The following FAM167A variants were observed in gnomAD, a reference collection of about 807,000 sequenced individuals.
FAM167A encodes family with sequence similarity 167 member A, also known as protein FAM167A.
FAM167A carries 23 observed loss-of-function variants against 14.9 expected under a neutral mutation model. The ratio of observed to expected loss-of-function variants is 1.55; its 90% CI spans 1.11 to 2.19. FAM167A has a LOEUF of 2.19. Among genes scored for constraint, FAM167A ranks in the 30% most tolerant of loss-of-function variants. The pLI is 0.00. For synonymous variants in FAM167A, 174 were observed against 117.7 expected (o/e 1.48, Z -3.10); for missense variants, 401 against 281.5 (o/e 1.42, Z -3.04).
intron 2 of FAM167A, among the ~76,000 whole-genome samples, chr8:11,436,454 G>A (rs1183645081): frequency 2.6e-5 from 4 of 152,188 alleles, no homozygotes; most frequent in African/African-American, 9.6e-5. Flanking sequence ...CTGCAGGAAG[G>A]GCTGGCTCCC....
chr8:11,444,012 C>T lies in FAM167A; in HGVS notation c.381+19G>A. The T allele has an allele frequency of 6.3e-7, 1 of 1,597,122 alleles. No individual in the cohort carries two copies. Among genetic ancestry groups the T allele is most frequent in the Non-Finnish European group, 8.5e-7 (1 of 1,171,004 alleles). ...TGGCATCTCCTCTTTTCTGGGGATT[C>T]TTGGGGGCAGCCACTCACCAGTTCC... is the stretch of plus-strand genomic sequence containing the variant. On this transcript the variant is annotated intron_variant, in intron 2 of 2. Coordinates refer to ENST00000284486, the MANE Select transcript of FAM167A (RefSeq NM_053279.3).
In FAM167A at chr8:11,431,917, A is replaced by AAAAAAAAAAAG. The variant is rs752330983; in HGVS notation, c.382-7282_382-7281insCTTTTTTTTTT. Among the ~76,000 whole-genome samples the AAAAAAAAAAAG allele has an allele frequency of 5.0e-5, 5 of 99,498 alleles. 1 individual carries two copies. Among genetic ancestry groups the AAAAAAAAAAAG allele is most frequent in the Non-Finnish European group, 7.9e-5 (4 of 50,502 alleles). The allele number at this position is 99,498 out of a possible 152,430, so 65.3% of individuals were successfully genotyped here. The stretch of plus-strand genomic sequence containing the variant: ...GCAAAAAAAAAAAAAAAAAAAAAAA[A>AAAAAAAAAAAG]AAGGATTTTGTTCTTTGCCAAAGGC... On this transcript the variant is annotated intron_variant, in intron 2 of 2. Coordinates refer to ENST00000284486, the MANE Select transcript of FAM167A (RefSeq NM_053279.3).
chr8:11,429,525 T>G (rs994277845), intron 2 of FAM167A, among the ~76,000 whole-genome samples: 2 of 152,202 alleles, frequency 1.3e-5, no homozygotes, highest in Admixed American at 6.5e-5. Context: ...TGACATAGAT[T>G]GTTTCATCAT....
At chr8:11,431,056 G>A (rs145939582) in intron 2 of FAM167A, among the ~76,000 whole-genome samples, 1 of 152,244 alleles carries the variant, frequency 6.6e-6, no homozygotes, top group East Asian at 1.9e-4. Flanking sequence ...TGCCACTCCA[G>A]GTACACACCC....
At chr8:11,438,091 A>AC (rs1806161680) in intron 2 of FAM167A, 1 of 455,574 alleles carries the variant, frequency 2.2e-6, no homozygotes, top group African/African-American at 2.0e-5. Flanking sequence ...GCCTCACCCC[A>AC]CCCCAGCACG....
intron 1 of FAM167A, among the ~76,000 whole-genome samples, chr8:11,459,276 G>A (rs1406088681): frequency 2.6e-5 from 4 of 152,192 alleles, no homozygotes; most frequent in Non-Finnish European, 4.4e-5. Context: ...CAGTTCACAA[G>A]CAGGTCAGGG....
chr8:11,437,203 A>C (rs752964321), intron 2 of FAM167A, among the ~76,000 whole-genome samples: 1 of 152,186 alleles, frequency 6.6e-6, no homozygotes, highest in Non-Finnish European at 1.5e-5. Flanking sequence ...ATCTGAGTTC[A>C]AATTCCTGCT....
chr8:11,471,529 G>A (rs886654899), upstream of FAM167A, among the ~76,000 whole-genome samples: 7 of 152,264 alleles, frequency 4.6e-5, no homozygotes, highest in East Asian at 1.9e-4. Context: ...AGGCAGACCC[G>A]GGTTGCATCC....
At position 11,422,556 on chromosome 8, in the gene FAM167A, C is replaced by T. The variant is rs1264563520; in HGVS notation, c.*1817G>A. On this transcript the variant is annotated 3_prime_UTR_variant, in exon 3 of 3. Coordinates refer to ENST00000284486, the MANE Select transcript of FAM167A (RefSeq NM_053279.3). ...GCAGACTTCATTGCACAGAGCATGG[C>T]AGACAGTAGATCTTGGCTGCGTTGT... 6.6e-6 allele frequency: 1 copy of T among 152,624 alleles called. No homozygotes were observed. The highest frequency in any genetic ancestry group is 1.5e-5 in the Non-Finnish European group (1 of 68,054). 9.5% of individuals were successfully genotyped at this position (152,624 alleles called of 1,614,324 possible).
At chr8:11,427,594 A>G (rs151013536) in intron 2 of FAM167A, among the ~76,000 whole-genome samples, 53 of 152,332 alleles carry the variant, frequency 3.5e-4, no homozygotes, top group African/African-American at 1.3e-3. Context: ...TAGGTTTATA[A>G]TAGAGCACAT....
chr8:11,424,654 C>T lies in FAM167A; in HGVS notation c.382-18G>A, dbSNP rs760000055. 6.2e-7 allele frequency: 1 copy of T among 1,611,674 alleles called. No homozygotes were observed. Among genetic ancestry groups the T allele is most frequent in the East Asian group, 2.2e-5 (1 of 44,850 alleles). Reference sequence around the variant, plus strand: ...ATCTCCGTCTGGAAGGGAGGGGGAGCAGGCAGGGTCAGCAGAGAGTGGCTC... The same window carrying T: ...ATCTCCGTCTGGAAGGGAGGGGGAGTAGGCAGGGTCAGCAGAGAGTGGCTC... On this transcript the variant is annotated intron_variant, in intron 2 of 2. Transcript: ENST00000284486.
rs577586531 is a variant in FAM167A, at chr8:11,432,845, A to C, written c.382-8209T>G. Among the ~76,000 whole-genome samples, 48 of 152,358 alleles carry C rather than the reference A, an allele frequency of 3.2e-4. 1 individual carries two copies. The highest frequency in any genetic ancestry group is 2.5e-3 in the Admixed American group (39 of 15,310). On this transcript the variant is annotated intron_variant, in intron 2 of 2. Transcript: ENST00000284486. ...CAATCAATGATAGACTGGATTAAGA[A>C]AATGTGGCACAGATACACCATGGAA...
intron 2 of FAM167A, among the ~76,000 whole-genome samples, chr8:11,432,403 G>A (rs1224045226): frequency 5.9e-5 from 9 of 152,154 alleles, no homozygotes; most frequent in African/African-American, 1.9e-4. Context: ...CAAGAAATGG[G>A]CAAAGGATAT....
intron 1 of FAM167A, among the ~76,000 whole-genome samples, chr8:11,453,278 A>G (rs1239430566): frequency 6.6e-6 from 1 of 152,096 alleles, no homozygotes; most frequent in Non-Finnish European, 1.5e-5. Flanking sequence ...GGGTCAACTG[A>G]TCTCCTGCCT....
chr8:11,443,805 A>G (rs1806591438), intron 2 of FAM167A: 2 of 560,942 alleles, frequency 3.6e-6, no homozygotes, highest in African/African-American at 3.8e-5. Flanking sequence ...TGCTTCCTTC[A>G]TTAGTGTCTG....
chr8:11,456,406 G>T (rs1162183580), intron 1 of FAM167A, among the ~76,000 whole-genome samples: 5 of 100,504 alleles, frequency 5.0e-5, no homozygotes, highest in Non-Finnish European at 8.4e-5. Context: ...TGAGTGTGGG[G>T]GGTGGTTGCC....
intron 2 of FAM167A, among the ~76,000 whole-genome samples, chr8:11,440,410 G>A (rs185088018): frequency 1.3e-5 from 2 of 152,348 alleles, no homozygotes; most frequent in African/African-American, 4.8e-5. Flanking sequence ...TTCCTTGAAA[G>A]CTGAGAGGGA....
rs908998254 is a variant in FAM167A, at chr8:11,421,905, C to T, written c.*2468G>A. 2.5e-6 allele frequency: 1 copy of T among 398,376 alleles called. No individual in the cohort carries two copies. Among genetic ancestry groups the T allele is most frequent in the African/African-American group, 2.1e-5 (1 of 48,620 alleles). The allele number at this position is 398,376 out of a possible 1,614,324, so 24.7% of individuals were successfully genotyped here. A position where few individuals can be genotyped will look rare whatever the true frequency, so the allele number is the denominator to read the frequency against. On this transcript the variant is annotated 3_prime_UTR_variant, in exon 3 of 3. Transcript: ENST00000284486. ...CACAGAGAGCAGGGACTTCACAAAGCTGAATTAATGTGGTTAGTTGTGTTC... is the reference window on the plus strand; with the variant it reads ...CACAGAGAGCAGGGACTTCACAAAGTTGAATTAATGTGGTTAGTTGTGTTC...
At chr8:11,431,185 C>A (rs1389018626) in intron 2 of FAM167A, among the ~76,000 whole-genome samples, 1 of 152,240 alleles carries the variant, frequency 6.6e-6, no homozygotes, top group African/African-American at 2.4e-5. Flanking sequence ...TGTGGCCTAT[C>A]CATAAAGTGG....
Sources: allele counts gnomAD v4.1 joint callset (sites outside exome capture counted in the v4.1 genomes callset), GRCh38; gene constraint gnomAD v4.1.1; transcripts MANE v1.5; gene names NCBI Gene and HGNC (gene_info 2026-07-23, HGNC 2026-07-21).